PNMA6E: variants seen among roughly 807,000 people sequenced by gnomAD.
The protein encoded by PNMA6E is PNMA family member 6E, also known as paraneoplastic antigen Ma6E.
For missense variants in PNMA6E, 78 were observed against 50.8 expected, an observed-to-expected ratio of 1.53 and a Z score of -1.63; for synonymous variants, 43 against 17.1, an observed-to-expected ratio of 2.52 and a Z score of -3.74.
At chrX:153,411,201 G>A in the PNMA6E span, among the ~76,000 whole-genome samples, 3 of 112,475 alleles carry the variant, frequency 2.7e-5, no homozygotes, top group African/African-American at 9.7e-5. Context: ...ATGAATGGAC[G>A]TAATAACGCC....
intron 1 of PNMA6E, among the ~76,000 whole-genome samples, chrX:153,400,718 G>A (rs1179650202): frequency 1.9e-5 from 2 of 106,795 alleles, no homozygotes; most frequent in African/African-American, 3.5e-5. Flanking sequence ...GTCCCCTCTC[G>A]CGCCTCAGAC....
At chrX:153,413,425 A>G in the PNMA6E span, among the ~76,000 whole-genome samples, 2 of 107,091 alleles carry the variant, frequency 1.9e-5, no homozygotes, top group East Asian at 3.0e-4. Context: ...TTCCACCCAT[A>G]GGCTAAGGTC....
chrX:153,399,325 G>A (rs1569529101), intron 1 of PNMA6E, among the ~76,000 whole-genome samples: 3 of 110,212 alleles, frequency 2.7e-5, no homozygotes, highest in Admixed American at 9.7e-5. Flanking sequence ...GTGTGTGTGT[G>A]TGTGTGTGTG....
At chrX:153,409,113 G>A in the PNMA6E span, among the ~76,000 whole-genome samples, 1 of 113,012 alleles carries the variant, frequency 8.8e-6, no homozygotes, top group Non-Finnish European at 1.9e-5. Context: ...ACAGCTGTGG[G>A]AAAGCGCCCA....
chrX:153,405,568 C>A (rs2088873424), upstream of PNMA6E, among the ~76,000 whole-genome samples: 1 of 103,839 alleles, frequency 9.6e-6, no homozygotes, highest in African/African-American at 3.6e-5. Context: ...TTTCCCCACC[C>A]TTCACTCTGT....
In PNMA6E at chrX:153,396,640, A is replaced by C; in HGVS notation, c.*266T>G. ...GCCCACTCAGGGCTCCCTCCAGGCCAGCCCCCCGTGGCGGCAGGGTTTGGG... is the reference window on the plus strand; with the variant it reads ...GCCCACTCAGGGCTCCCTCCAGGCCCGCCCCCCGTGGCGGCAGGGTTTGGG... On this transcript the variant is annotated 3_prime_UTR_variant, in exon 2 of 2. Coordinates refer to ENST00000445091, the MANE Select transcript of PNMA6E (RefSeq NM_001367770.1). 5.0e-6 allele frequency: 1 copy of C among 198,403 alleles called. No individual in the cohort carries two copies. The highest frequency in any genetic ancestry group is 9.3e-6 in the Non-Finnish European group (1 of 107,935). 16.4% of individuals were successfully genotyped at this position (198,403 alleles called of 1,213,427 possible). A position where few individuals can be genotyped will look rare whatever the true frequency, so the allele number is the denominator to read the frequency against.
chrX:153,407,023 C>T, the PNMA6E span, among the ~76,000 whole-genome samples: 1 of 112,503 alleles, frequency 8.9e-6, no homozygotes, highest in Non-Finnish European at 1.9e-5. Context: ...TTGGTAAGAG[C>T]GCTAGCCCTG....
chrX:153,406,557 G>T, the PNMA6E span, among the ~76,000 whole-genome samples: 5 of 112,686 alleles, frequency 4.4e-5, no homozygotes, highest in African/African-American at 1.6e-4. Context: ...GCAGGGTTGG[G>T]GATGCCACGC....
intron 1 of PNMA6E, 100 bp downstream of exon 1, chrX:153,401,143 CT>C (rs1365164012): frequency 3.8e-5 from 2 of 52,035 alleles, no homozygotes; most frequent in Non-Finnish European, 7.6e-5. Context: ...GCCACACCGC[CT>C]GCCCCCCCCC....
upstream of PNMA6E, among the ~76,000 whole-genome samples, chrX:153,404,318 G>A (rs933310430): frequency 9.0e-6 from 1 of 111,122 alleles, no homozygotes; most frequent in Non-Finnish European, 1.9e-5. Flanking sequence ...AATTACTAGG[G>A]TCATCTCAGA....
In PNMA6E at chrX:153,397,230, G is replaced by A. The variant is rs782588170; in HGVS notation, c.1620C>T (p.Ala540=). 57 of 296,862 alleles carry A rather than the reference G, an allele frequency of 1.9e-4. No homozygotes were observed. The highest frequency in any genetic ancestry group is 8.8e-4 in the Middle Eastern group (1 of 1,137). The allele number at this position is 296,862 out of a possible 1,213,427, so 24.5% of individuals were successfully genotyped here. A position where few individuals can be genotyped will look rare whatever the true frequency, so the allele number is the denominator to read the frequency against. Residue 540 remains alanine, a synonymous_variant, in exon 2 of 2, where the codon GCC becomes GCT. Transcript: ENST00000445091. ...SEAGPGAEDA[A]EAASATKEAA... is the part of the protein sequence containing the mutation. ...CCTCTTTGGTGGCAGAAGCGGCCTC[G>A]GCAGCATCTTCTGCTCCGGGACCAG...
the PNMA6E span, among the ~76,000 whole-genome samples, chrX:153,412,661 T>C: frequency 9.0e-6 from 1 of 111,534 alleles, no homozygotes; most frequent in Non-Finnish European, 1.9e-5. Context: ...AGGAATCCCC[T>C]GTACAAAGGC....
At chrX:153,405,616 T>C (rs1224596230), upstream of PNMA6E, among the ~76,000 whole-genome samples, 1 of 85,579 alleles carries the variant, frequency 1.2e-5, no homozygotes, top group African/African-American at 4.5e-5. Context: ...CCTCTCTCAC[T>C]CTCTCTCTCT....
rs782243178 is a variant in PNMA6E at position 153,397,511 on chromosome X, C to A, written c.1339G>T (p.Ala447Ser). The change falls in exon 2 of 2, where the codon GCC (alanine) becomes TCC (serine). Residue 447 changes from alanine to serine, a missense_variant. Physicochemically the swap from Ala to Ser is moderately conservative, Grantham distance 99. Transcript: ENST00000445091. ...VEKGAVCPAL[A>S]NYLRLQQVLS... ...ACCTGCTGTAGTCGCAGGTAATTGG[C>A]CAAGGCTGGGCAGACGGCCCCCTTC... 3 of 297,754 alleles carry A rather than the reference C, an allele frequency of 1.0e-5. No homozygotes were observed. The South Asian group carries it at 6.0e-4, about 59-fold the overall frequency. The allele number at this position is 297,754 out of a possible 1,213,427, so 24.5% of individuals were successfully genotyped here.
At chrX:153,401,834 A>ATTTT (rs781957165), upstream of PNMA6E, among the ~76,000 whole-genome samples, 199 of 69,607 alleles carry the variant, frequency 2.9e-3, 4 homozygotes, top group African/African-American at 3.4e-3. Context: ...GCCAGGCTGG[A>ATTTT]TTTTTTTTTT....
At chrX:153,412,160 G>A in the PNMA6E span, among the ~76,000 whole-genome samples, 1 of 112,790 alleles carries the variant, frequency 8.9e-6, no homozygotes, top group South Asian at 3.7e-4. Context: ...GTATCAGGTG[G>A]GGGCTGGTGC....
At position 153,396,642 on chromosome X, in the gene PNMA6E, C is replaced by T. The variant is rs931868696; in HGVS notation, c.*264G>A. 5.8e-4 allele frequency: 119 copies of T among 203,943 alleles called. No individual in the cohort carries two copies. The highest frequency in any genetic ancestry group is 4.5e-3 in the Middle Eastern group (3 of 662). The allele number at this position is 203,943 out of a possible 1,213,427, so 16.8% of individuals were successfully genotyped here. On this transcript the variant is annotated 3_prime_UTR_variant, in exon 2 of 2. Coordinates refer to ENST00000445091, the MANE Select transcript of PNMA6E (RefSeq NM_001367770.1). Reference sequence around the variant, plus strand: ...CCACTCAGGGCTCCCTCCAGGCCAGCCCCCCGTGGCGGCAGGGTTTGGGGC... The same window carrying T: ...CCACTCAGGGCTCCCTCCAGGCCAGTCCCCCGTGGCGGCAGGGTTTGGGGC...
At chrX:153,409,547 G>A in the PNMA6E span, among the ~76,000 whole-genome samples, 1 of 113,078 alleles carries the variant, frequency 8.8e-6, no homozygotes, top group African/African-American at 3.2e-5. Flanking sequence ...TTGATCTCCC[G>A]ACAGGATCGT....
chrX:153,411,409 C>A, the PNMA6E span, among the ~76,000 whole-genome samples: 1 of 107,245 alleles, frequency 9.3e-6, no homozygotes, highest in African/African-American at 3.3e-5. Context: ...CCCTCTGCGC[C>A]GCGCATGCTC....
Sources: allele counts gnomAD v4.1 joint callset (sites outside exome capture counted in the v4.1 genomes callset), GRCh38; gene constraint gnomAD v4.1.1; transcripts MANE v1.5; gene names NCBI Gene and HGNC (gene_info 2026-07-23, HGNC 2026-07-21).